FGF14: variants seen among roughly 807,000 people sequenced by gnomAD.
The protein encoded by FGF14 is fibroblast growth factor homologous factor 4.
In FGF14, 5 loss-of-function variants were observed where a neutral mutation model predicts 25.5. The observed-to-expected ratio is 0.20, with a 90% CI of 0.10 to 0.41. The LOEUF is 0.41. Among genes scored for constraint, FGF14 ranks in the 10% least tolerant of loss-of-function variants. The pLI is 1.00. For synonymous variants in FGF14, 138 were observed against 118.3 expected (o/e 1.17, Z -1.08); for missense variants, 222 against 320.1 (o/e 0.69, Z 2.34).
intron 1 of FGF14, among the ~76,000 whole-genome samples, chr13:102,311,543 C>T (rs1383676316): frequency 1.3e-5 from 2 of 152,152 alleles, no homozygotes; most frequent in African/African-American, 4.8e-5. Context: ...TGGAAAAACA[C>T]TCCCATTACA....
intron 1 of FGF14, among the ~76,000 whole-genome samples, chr13:102,261,814 T>C (rs1594625907): frequency 6.6e-6 from 1 of 152,170 alleles, no homozygotes; most frequent in South Asian, 2.1e-4. Context: ...AAAAATAAAA[T>C]AGGGGGTACC....
At chr13:101,958,276 A>T (rs2036630465) in intron 1 of FGF14, among the ~76,000 whole-genome samples, 1 of 152,222 alleles carries the variant, frequency 6.6e-6, no homozygotes, top group African/African-American at 2.4e-5. Flanking sequence ...ACAGAAGTTA[A>T]CCAAAAGTGA....
At chr13:101,801,554 A>G (rs1179308561) in intron 3 of FGF14, among the ~76,000 whole-genome samples, 3 of 152,108 alleles carry the variant, frequency 2.0e-5, no homozygotes, top group Non-Finnish European at 2.9e-5. Flanking sequence ...TTTCTTGCAG[A>G]CCCATGTGCT....
chr13:101,745,823 C>T (rs1392729403), intron 3 of FGF14, among the ~76,000 whole-genome samples: 1 of 151,646 alleles, frequency 6.6e-6, no homozygotes, highest in Admixed American at 6.6e-5. Context: ...ATGGTGAGAA[C>T]CTACATATGG....
chr13:101,958,129 A>C lies in FGF14; in HGVS notation c.209-82833T>G, dbSNP rs571605646. On this transcript the variant is annotated intron_variant, in intron 1 of 4. Coordinates refer to the FGF14 transcript ENST00000376131. ...TTGTTGGAAGTGATGCCTTCCTCCT[A>C]CTCAGCTTTCAGAGAACTTGAGAGC... Among the ~76,000 whole-genome samples, 3 of 152,326 alleles carry C rather than the reference A, an allele frequency of 2.0e-5. No individual in the cohort carries two copies. The East Asian group carries it at 5.8e-4, about 29-fold the overall frequency.
At chr13:102,223,038 T>C (rs929006630) in intron 1 of FGF14, among the ~76,000 whole-genome samples, 7 of 152,230 alleles carry the variant, frequency 4.6e-5, no homozygotes, top group African/African-American at 1.4e-4. Flanking sequence ...TCAGTTAAAC[T>C]ATCCTGGAAT....
intron 3 of FGF14, among the ~76,000 whole-genome samples, chr13:101,856,307 T>C (rs146609583): frequency 9.1e-4 from 139 of 152,028 alleles, no homozygotes; most frequent in African/African-American, 3.3e-3. Context: ...TTCTAATTGA[T>C]ATTTTTGAAA....
At chr13:102,184,059 G>C (rs956388280) in intron 1 of FGF14, among the ~76,000 whole-genome samples, 1 of 152,164 alleles carries the variant, frequency 6.6e-6, no homozygotes, top group African/African-American at 2.4e-5. Flanking sequence ...TTCTGCAGGA[G>C]TCTTGTGAAA....
At chr13:101,910,617 G>T (rs1210420393) in intron 1 of FGF14, among the ~76,000 whole-genome samples, 3 of 152,052 alleles carry the variant, frequency 2.0e-5, no homozygotes, top group African/African-American at 7.2e-5. Context: ...ATCATAAAAT[G>T]GTGTAGACAC....
At chr13:102,311,507 C>T (rs2055765932) in intron 1 of FGF14, among the ~76,000 whole-genome samples, 1 of 152,134 alleles carries the variant, frequency 6.6e-6, no homozygotes, top group African/African-American at 2.4e-5. Context: ...AAAGTCACCT[C>T]ATGCATTTGG....
chr13:101,758,236 T>A (rs2037784437), intron 3 of FGF14, among the ~76,000 whole-genome samples: 1 of 152,224 alleles, frequency 6.6e-6, no homozygotes, highest in African/African-American at 2.4e-5. Context: ...GGATCAATTA[T>A]CATTGTTTTA....
upstream of FGF14, among the ~76,000 whole-genome samples, chr13:101,918,319 TCTTA>T (rs1252161188): frequency 6.6e-6 from 1 of 152,204 alleles, no homozygotes; most frequent in Non-Finnish European, 1.5e-5. Flanking sequence ...GCTCCGGGCT[TCTTA>T]CTTTTCTCCT....
intron 1 of FGF14, among the ~76,000 whole-genome samples, chr13:102,001,130 G>T (rs113964481): frequency 0.018 from 2,697 of 152,244 alleles, 92 homozygotes; most frequent in African/African-American, 0.062. Context: ...TTATGATATA[G>T]GCAGCAGCAG....
At chr13:101,727,658 A>G (rs995428321) in intron 3 of FGF14, among the ~76,000 whole-genome samples, 1 of 152,158 alleles carries the variant, frequency 6.6e-6, no homozygotes, top group Non-Finnish European at 1.5e-5. Flanking sequence ...TGGGATGAAT[A>G]ATAATGAATA....
chr13:102,166,186 AAAAAAAGAAAAG>A (rs202015539), intron 1 of FGF14, among the ~76,000 whole-genome samples: 2,023 of 151,914 alleles, frequency 0.013, 44 homozygotes, highest in African/African-American at 0.047. Flanking sequence ...ACATTTAAAA[AAAAAAAGAAAAG>A]AAAAAAGAAA....
At chr13:101,911,092 TA>T (rs1216391675) in intron 1 of FGF14, among the ~76,000 whole-genome samples, 3 of 151,976 alleles carry the variant, frequency 2.0e-5, no homozygotes, top group Non-Finnish European at 4.4e-5. Context: ...TTCTACCATT[TA>T]AAAAAATTTA....
At chr13:101,812,779 G>C (rs1337262000) in intron 3 of FGF14, among the ~76,000 whole-genome samples, 1 of 145,314 alleles carries the variant, frequency 6.9e-6, no homozygotes, top group Non-Finnish European at 1.5e-5. Context: ...CAATTCTCCT[G>C]CCTCAGCCTC....
At chr13:102,260,139 G>C (rs2052650176) in intron 1 of FGF14, among the ~76,000 whole-genome samples, 1 of 152,160 alleles carries the variant, frequency 6.6e-6, no homozygotes, top group South Asian at 2.1e-4. Flanking sequence ...AAGAAAAAAA[G>C]AAGCGGGAGG....
At chr13:102,038,077 T>C (rs2041560797) in intron 1 of FGF14, among the ~76,000 whole-genome samples, 1 of 152,094 alleles carries the variant, frequency 6.6e-6, no homozygotes, top group South Asian at 2.1e-4. Context: ...GTCAAATAAA[T>C]ACATCTAGGC....
Sources: gnomAD v4.1 joint callset for allele counts (sites outside exome capture counted in the v4.1 genomes callset) on GRCh38, gnomAD v4.1.1 for gene constraint, MANE v1.5 for transcripts, NCBI Gene and HGNC (gene_info 2026-07-23, HGNC 2026-07-21) for gene names.